The following KDM4B variants were observed in gnomAD, a reference collection of about 807,000 sequenced individuals.
The protein encoded by KDM4B is lysine demethylase 4B.
KDM4B carries 32 observed loss-of-function variants against 125.2 expected under a neutral mutation model. The ratio of observed to expected loss-of-function variants is 0.26; its 90% CI spans 0.19 to 0.34. The LOEUF (loss-of-function observed/expected upper bound fraction) is 0.34, where lower values mean the gene tolerates loss of function less well. KDM4B is among the 10% of genes least tolerant of loss of function. The pLI, the probability that KDM4B is intolerant of heterozygous loss-of-function variation, is 1.00. For missense variants in KDM4B, 1,190 were observed against 1,577.7 expected, an observed-to-expected ratio of 0.75 and a Z score of 4.16; for synonymous variants, 721 against 677.9, an observed-to-expected ratio of 1.06 and a Z score of -0.99.
chr19:5,116,584 G>A (rs750232583), intron 10 of KDM4B, among the ~76,000 whole-genome samples: 1 of 152,302 alleles, frequency 6.6e-6, no homozygotes, highest in Non-Finnish European at 1.5e-5. Flanking sequence ...CATGGGAGAA[G>A]GAACCAAGAC....
chr19:5,028,412 G>A (rs776393176), intron 2 of KDM4B, among the ~76,000 whole-genome samples: 3 of 152,188 alleles, frequency 2.0e-5, no homozygotes, highest in Admixed American at 6.5e-5. Context: ...TCAGAGCCTC[G>A]TTGCTTTTCA....
intron 17 of KDM4B, 123 bp downstream of exon 17, chr19:5,137,799 C>A: frequency 9.2e-7 from 1 of 1,092,004 alleles, no homozygotes; most frequent in Non-Finnish European, 1.3e-6. Context: ...CGCCCTGTGT[C>A]ATGGATGGGG....
intron 9 of KDM4B, among the ~76,000 whole-genome samples, chr19:5,085,097 C>T (rs2038448257): frequency 3.3e-5 from 5 of 152,166 alleles, no homozygotes; most frequent in Admixed American, 3.3e-4. Context: ...CCGGTCTGGA[C>T]GAATGAGCTA....
chr19:5,084,538 AT>A (rs1209103538), intron 9 of KDM4B, among the ~76,000 whole-genome samples: 9 of 129,152 alleles, frequency 7.0e-5, no homozygotes, highest in African/African-American at 1.4e-4. Flanking sequence ...TGTTATTTAT[AT>A]ATTATATATA....
At chr19:5,101,380 T>G (rs1420028690) in intron 9 of KDM4B, among the ~76,000 whole-genome samples, 2 of 150,268 alleles carry the variant, frequency 1.3e-5, no homozygotes, top group Admixed American at 6.6e-5. Context: ...AGTGAGGGAC[T>G]AGGTGCAGTG....
chr19:5,042,623 TAG>T (rs1471019953), intron 5 of KDM4B, among the ~76,000 whole-genome samples: 1 of 151,574 alleles, frequency 6.6e-6, no homozygotes, highest in Non-Finnish European at 1.5e-5. Flanking sequence ...TCAGGAAACT[TAG>T]AGTCGTGGCA....
rs908096241 is a variant in KDM4B, at chr19:5,035,068, C to T, written c.141+2037C>T. On this transcript the variant is annotated intron_variant, in intron 3 of 22. Transcript: ENST00000159111. This position sits in a 1 kb window ranked among gnomAD's most constrained non-coding sequence, Gnocchi z 5.3. ...GGGTCAGAACGGTGGGGGCTGCTGC[C>T]GTCCCGGCTTCAGTTCTGTCTTTAA... is the stretch of plus-strand genomic sequence containing the variant. Among the ~76,000 whole-genome samples the T allele has an allele frequency of 1.4e-4, 22 of 152,146 alleles. No individual in the cohort carries two copies. The highest frequency in any genetic ancestry group is 2.2e-4 in the Non-Finnish European group (15 of 68,028).
rs558066881 is a variant in KDM4B, at chr19:5,138,144, G to A, written c.2550+74G>A. The A allele has an allele frequency of 2.0e-4, 225 of 1,117,758 alleles. 1 individual carries two copies. Among genetic ancestry groups the A allele is most frequent in the African/African-American group, 1.9e-3 (126 of 65,432 alleles). The allele number at this position is 1,117,758 out of a possible 1,614,324, so 69.2% of individuals were successfully genotyped here. A position where few individuals can be genotyped will look rare whatever the true frequency, so the allele number is the denominator to read the frequency against. On this transcript the variant is annotated intron_variant, in intron 18 of 22. Coordinates refer to ENST00000159111, the MANE Select transcript of KDM4B (RefSeq NM_015015.3). ...CGGCCATGCTCGGCTCCCCACCTGC[G>A]CGATCTGAAGCGGTCTTTCCTCCAA...
intron 10 of KDM4B, among the ~76,000 whole-genome samples, chr19:5,117,960 A>G (rs2039289350): frequency 6.6e-6 from 1 of 152,180 alleles, no homozygotes; most frequent in South Asian, 2.1e-4. Flanking sequence ...TGTTCTAGGA[A>G]GGCTTCCTGG....
chr19:5,041,390 G>A (rs577581339), intron 5 of KDM4B, 139 bp downstream of exon 5: 3 of 604,120 alleles, frequency 5.0e-6, no homozygotes, highest in East Asian at 3.0e-5. Context: ...CTCTGGATGC[G>A]GGCCTCGCCC....
chr19:4,995,440 A>G (rs890809311), intron 1 of KDM4B, among the ~76,000 whole-genome samples: 1 of 151,926 alleles, frequency 6.6e-6, no homozygotes, highest in Admixed American at 6.6e-5. Context: ...CACCACATCC[A>G]GCTAATTTTT....
At chr19:5,098,163 G>A (rs1168746254) in intron 9 of KDM4B, among the ~76,000 whole-genome samples, 1 of 152,226 alleles carries the variant, frequency 6.6e-6, no homozygotes, top group Non-Finnish European at 1.5e-5. Flanking sequence ...GCCTCCATGT[G>A]TAGTACATGG....
rs1301188644 is a variant in KDM4B at position 5,119,814 on chromosome 19, A to AGCCACT, written c.1283_1288dup (p.Leu428_Pro429dup). 2 of 1,543,898 alleles carry AGCCACT rather than the reference A, an allele frequency of 1.3e-6. No homozygotes were observed. The highest frequency in any genetic ancestry group is 2.7e-5 in the African/African-American group (2 of 72,860). ...CCCGAGGAGGAGGAGGAGGAGCCGC[A>AGCCACT]GCCACTGCCACACGGCCGGGAGGCC... On this transcript the variant is annotated inframe_insertion, in exon 11 of 23. Coordinates refer to ENST00000159111, the MANE Select transcript of KDM4B (RefSeq NM_015015.3).
chr19:4,982,759 C>G (rs545079478), intron 1 of KDM4B, among the ~76,000 whole-genome samples: 149 of 152,050 alleles, frequency 9.8e-4, no homozygotes, highest in Admixed American at 6.9e-3. Context: ...ACTACAGGCG[C>G]GTGCCACCAC....
chr19:4,989,318 T>C (rs1038620095), intron 1 of KDM4B, among the ~76,000 whole-genome samples: 3 of 152,158 alleles, frequency 2.0e-5, no homozygotes, highest in Non-Finnish European at 4.4e-5. Flanking sequence ...TGTTTCTGTT[T>C]CTTTTTCTTT....
At chr19:5,136,331 T>G (rs2039647566) in intron 15 of KDM4B, among the ~76,000 whole-genome samples, 5 of 152,218 alleles carry the variant, frequency 3.3e-5, no homozygotes, top group Admixed American at 3.3e-4. Flanking sequence ...AATGGATGTC[T>G]GTCTCTTTCC....
At chr19:5,120,526 T>C (rs1299896173) in intron 11 of KDM4B, among the ~76,000 whole-genome samples, 1 of 151,758 alleles carries the variant, frequency 6.6e-6, no homozygotes, top group Non-Finnish European at 1.5e-5. Flanking sequence ...CCCACAGGAG[T>C]GTGAACCAGC....
At chr19:5,036,902 G>A (rs1008890971) in intron 3 of KDM4B, among the ~76,000 whole-genome samples, 2 of 152,214 alleles carry the variant, frequency 1.3e-5, no homozygotes, top group Non-Finnish European at 2.9e-5. Flanking sequence ...CCTCGTTCAC[G>A]CTGCCTGTCA....
In KDM4B at chr19:5,047,601, C is replaced by T. The variant is rs779098824; in HGVS notation, c.558C>T (p.Phe186=). Residue 186 remains phenylalanine (F), a synonymous_variant, in exon 6 of 23, where the codon TTC becomes TTT. Transcript: ENST00000159111. ...ACTTCGGCATGTGGAAGACCACCTT[C>T]GCCTGGCACACCGAGGACATGGACC... ...YLYFGMWKTT[F]AWHTEDMDLY... The T allele has an allele frequency of 3.7e-6, 6 of 1,613,898 alleles. No individual in the cohort carries two copies. Among genetic ancestry groups the T allele is most frequent in the African/African-American group, 1.3e-5 (1 of 74,918 alleles).
Sources: allele counts gnomAD v4.1 joint callset (sites outside exome capture counted in the v4.1 genomes callset), GRCh38; gene constraint gnomAD v4.1.1; non-coding constraint Gnocchi (gnomAD v3.1); transcripts MANE v1.5; gene names NCBI Gene and HGNC (gene_info 2026-07-23, HGNC 2026-07-21).